HSPBAP1: variants seen among roughly 807,000 people sequenced by gnomAD.
HSPBAP1 encodes HSPB1-associated protein 1.
In HSPBAP1, 27 loss-of-function variants were observed where a neutral mutation model predicts 45.2. The ratio of observed to expected loss-of-function variants is 0.60; its 90% CI spans 0.44 to 0.82. The LOEUF (loss-of-function observed/expected upper bound fraction) is 0.82, where lower values mean the gene tolerates loss of function less well. Among genes scored for constraint, HSPBAP1 ranks in the 40% least tolerant of loss-of-function variants. The probability of loss-of-function intolerance (pLI) is 0.00; values close to 1 mark genes in which losing one functional copy is unlikely to be tolerated. For missense variants in HSPBAP1, 510 were observed against 590.9 expected, an observed-to-expected ratio of 0.86 and a Z score of 1.42; for synonymous variants, 204 against 202.7, an observed-to-expected ratio of 1.01 and a Z score of -0.06.
intron 1 of HSPBAP1, among the ~76,000 whole-genome samples, chr3:122,791,364 C>G (rs1428813517): frequency 2.6e-5 from 4 of 152,234 alleles, no homozygotes; most frequent in Non-Finnish European, 5.9e-5. Flanking sequence ...TCTTTCAGTT[C>G]TTGGACCATG....
At chr3:122,790,064 T>A (rs1016428754) in intron 1 of HSPBAP1, among the ~76,000 whole-genome samples, 8 of 152,166 alleles carry the variant, frequency 5.3e-5, no homozygotes, top group African/African-American at 1.4e-4. Context: ...GGTTTCACTA[T>A]GTTGCCCAGG....
At chr3:122,758,166 ACT>A (rs1400406115) in intron 4 of HSPBAP1, among the ~76,000 whole-genome samples, 2 of 152,212 alleles carry the variant, frequency 1.3e-5, no homozygotes, top group East Asian at 3.9e-4. Context: ...TTTCTGTTTT[ACT>A]CTCTGTGCTG....
At chr3:122,755,534 C>T (rs1358667629) in intron 4 of HSPBAP1, 103 bp from the exon 5 acceptor site, 4 of 894,788 alleles carry the variant, frequency 4.5e-6, no homozygotes, top group Non-Finnish European at 6.4e-6. Context: ...TGTTTAAATT[C>T]AATCCCTAAG....
intron 1 of HSPBAP1, among the ~76,000 whole-genome samples, chr3:122,790,536 A>G (rs1233885410): frequency 2.0e-5 from 3 of 152,190 alleles, no homozygotes; most frequent in East Asian, 1.9e-4. Context: ...TATGTCTTAT[A>G]CTACTGTTCT....
At chr3:122,781,431 TGCAATCGCAGG>T (rs1362463885) in intron 1 of HSPBAP1, among the ~76,000 whole-genome samples, 1 of 147,608 alleles carries the variant, frequency 6.8e-6, no homozygotes, top group African/African-American at 2.5e-5. Flanking sequence ...GGCGCGTGCC[TGCAATCGCAGG>T]CACTCGGCAG....
intron 3 of HSPBAP1, among the ~76,000 whole-genome samples, chr3:122,767,385 C>T (rs1353226365): frequency 2.0e-5 from 3 of 152,116 alleles, no homozygotes; most frequent in Admixed American, 2.0e-4. Context: ...CAAAACAATA[C>T]AAAAATTAGC....
intron 1 of HSPBAP1, among the ~76,000 whole-genome samples, chr3:122,784,104 C>T (rs551689797): frequency 6.6e-6 from 1 of 152,210 alleles, no homozygotes; most frequent in Non-Finnish European, 1.5e-5. Flanking sequence ...GCTGGGACTA[C>T]AGGCATGAGC....
At chr3:122,744,476 A>G (rs1347779717) in intron 6 of HSPBAP1, among the ~76,000 whole-genome samples, 1 of 152,268 alleles carries the variant, frequency 6.6e-6, no homozygotes, top group Non-Finnish European at 1.5e-5. Flanking sequence ...TAAAAGCAAC[A>G]TATGACAGAG....
intron 3 of HSPBAP1, among the ~76,000 whole-genome samples, chr3:122,764,797 C>T (rs571440819): frequency 1.3e-5 from 2 of 152,136 alleles, no homozygotes; most frequent in Non-Finnish European, 2.9e-5. Flanking sequence ...TTGCAATTAT[C>T]GTAAGTATCA....
intron 1 of HSPBAP1, among the ~76,000 whole-genome samples, chr3:122,792,275 G>A (rs955736339): frequency 1.3e-5 from 2 of 152,186 alleles, no homozygotes; most frequent in Admixed American, 6.5e-5. Flanking sequence ...AGGCCCACGG[G>A]TGCAGGTACA....
intron 1 of HSPBAP1, among the ~76,000 whole-genome samples, chr3:122,785,950 C>A (rs988884207): frequency 1.3e-5 from 2 of 152,102 alleles, no homozygotes; most frequent in South Asian, 2.1e-4. Flanking sequence ...GCGAGTCAGC[C>A]TTTTTGCCCT....
chr3:122,754,527 A>G, intron 5 of HSPBAP1: 2 of 985,146 alleles, frequency 2.0e-6, no homozygotes, highest in Non-Finnish European at 2.4e-6. Flanking sequence ...CAGTCAAGTG[A>G]AATTGTTTGA....
chr3:122,781,159 C>T (rs1275668656), intron 1 of HSPBAP1, among the ~76,000 whole-genome samples: 3 of 151,040 alleles, frequency 2.0e-5, no homozygotes, highest in Admixed American at 6.6e-5. Context: ...GGGTGGCGGC[C>T]GGGCAGAGGC....
intron 1 of HSPBAP1, among the ~76,000 whole-genome samples, chr3:122,787,457 A>G (rs1935692115): frequency 6.6e-6 from 1 of 152,236 alleles, no homozygotes; most frequent in African/African-American, 2.4e-5. Flanking sequence ...TTAACAGAAT[A>G]TAACAAAAAT....
intron 6 of HSPBAP1, 42 bp from the exon 7 acceptor site, chr3:122,741,155 T>C (rs1304353733): frequency 7.2e-7 from 1 of 1,384,558 alleles, no homozygotes; most frequent in South Asian, 1.2e-5. Flanking sequence ...TTAAGTCTCA[T>C]GGCTTTTTAA....
At chr3:122,752,433 A>G (rs1409121079) in intron 6 of HSPBAP1, among the ~76,000 whole-genome samples, 158 bp downstream of exon 6, 1 of 152,156 alleles carries the variant, frequency 6.6e-6, no homozygotes, top group Non-Finnish European at 1.5e-5. Context: ...CCATTAACAG[A>G]AGACAGAATG....
At chr3:122,765,645 C>T (rs899209525) in intron 3 of HSPBAP1, among the ~76,000 whole-genome samples, 1 of 150,086 alleles carries the variant, frequency 6.7e-6, no homozygotes, top group Admixed American at 6.6e-5. Context: ...CTTCCTAACA[C>T]TATTTTTCTG....
intron 4 of HSPBAP1, 45 bp downstream of exon 4, chr3:122,759,179 T>C (rs1260409056): frequency 6.0e-6 from 8 of 1,340,532 alleles, no homozygotes; most frequent in African/African-American, 1.6e-5. Context: ...CATGCACATG[T>C]GCGTTCCACA....
At chr3:122,752,699 A>C in intron 5 of HSPBAP1, 25 bp from the exon 6 acceptor site, 1 of 1,563,266 alleles carries the variant, frequency 6.4e-7, no homozygotes, top group Non-Finnish European at 8.7e-7. Context: ...AAGAATGGTT[A>C]GCACAAGAAC....
Sources: allele counts gnomAD v4.1 joint callset (sites outside exome capture counted in the v4.1 genomes callset), GRCh38; gene constraint gnomAD v4.1.1; transcripts MANE v1.5; gene names NCBI Gene and HGNC (gene_info 2026-07-23, HGNC 2026-07-21).